VDAC1: variants seen among roughly 807,000 people sequenced by gnomAD.
VDAC1 encodes the protein non-selective voltage-gated ion channel VDAC1.
A neutral mutation model predicts 34.7 loss-of-function variants in VDAC1; 10 were observed. That is an observed-to-expected ratio of 0.29 (90% confidence interval 0.18 to 0.49). The LOEUF (loss-of-function observed/expected upper bound fraction) is 0.49, where lower values mean the gene tolerates loss of function less well. Among genes scored for constraint, VDAC1 ranks in the 20% least tolerant of loss-of-function variants. The pLI, the probability that VDAC1 is intolerant of heterozygous loss-of-function variation, is 0.99. For synonymous variants in VDAC1, 130 were observed against 136.0 expected (o/e 0.96, Z 0.30); for missense variants, 230 against 347.9 (o/e 0.66, Z 2.69).
chr5:134,019,038 G>C, the VDAC1 span, among the ~76,000 whole-genome samples: 1 of 152,018 alleles, frequency 6.6e-6, no homozygotes, highest in African/African-American at 2.4e-5. Context: ...GCATCTCCCC[G>C]CTTGGCTGAT....
At chr5:134,078,939 C>T in the VDAC1 span, among the ~76,000 whole-genome samples, 1 of 151,538 alleles carries the variant, frequency 6.6e-6, no homozygotes, top group Non-Finnish European at 1.5e-5. Context: ...GCGTGAGCCA[C>T]TGTGCCCGGT....
chr5:133,995,810 T>C (rs1753279811), intron 1 of VDAC1, among the ~76,000 whole-genome samples: 2 of 152,136 alleles, frequency 1.3e-5, no homozygotes, highest in South Asian at 4.1e-4. Flanking sequence ...GAAATAATAA[T>C]CTGCATTAAT....
chr5:133,981,591 G>A (rs573095717), intron 5 of VDAC1, among the ~76,000 whole-genome samples: 2 of 152,312 alleles, frequency 1.3e-5, no homozygotes, highest in Admixed American at 6.5e-5. Flanking sequence ...TAGCCAGACA[G>A]TATCCCAGGT....
the VDAC1 span, among the ~76,000 whole-genome samples, chr5:134,064,257 A>C: frequency 6.6e-6 from 1 of 152,114 alleles, no homozygotes; most frequent in African/African-American, 2.4e-5. Context: ...CTGAGATTAC[A>C]GGCGTGAGCC....
the VDAC1 span, among the ~76,000 whole-genome samples, chr5:134,042,224 G>A: frequency 3.3e-5 from 5 of 152,140 alleles, no homozygotes; most frequent in Admixed American, 1.3e-4. Flanking sequence ...TCATGGCCAC[G>A]CTCACTCATC....
chr5:134,013,364 G>C, the VDAC1 span, among the ~76,000 whole-genome samples: 1 of 152,290 alleles, frequency 6.6e-6, no homozygotes, highest in Admixed American at 6.5e-5. Context: ...GAGTCCAGGA[G>C]GTCGAGGCTG....
At chr5:134,009,957 A>T (rs1312317548), upstream of VDAC1, among the ~76,000 whole-genome samples, 1 of 152,254 alleles carries the variant, frequency 6.6e-6, no homozygotes, top group Non-Finnish European at 1.5e-5. Flanking sequence ...CTGGGATTAC[A>T]GGCATGAGCC....
At chr5:134,081,296 C>CA in the VDAC1 span, among the ~76,000 whole-genome samples, 1 of 152,162 alleles carries the variant, frequency 6.6e-6, no homozygotes, top group Non-Finnish European at 1.5e-5. Context: ...CTCGGCCTCC[C>CA]AAAGTGCTGG....
the VDAC1 span, among the ~76,000 whole-genome samples, chr5:134,081,641 T>C: frequency 6.6e-6 from 1 of 152,192 alleles, no homozygotes; most frequent in Non-Finnish European, 1.5e-5. Context: ...AGACTACTCA[T>C]TAAAGGTCAT....
At chr5:134,080,686 CTCATT>C in the VDAC1 span, among the ~76,000 whole-genome samples, 5 of 152,152 alleles carry the variant, frequency 3.3e-5, no homozygotes, top group Non-Finnish European at 7.3e-5. Flanking sequence ...AGTGCTGTAT[CTCATT>C]TAAGTCTCAC....
chr5:133,998,947 G>A (rs59226969), intron 1 of VDAC1, among the ~76,000 whole-genome samples: 1,627 of 152,262 alleles, frequency 0.011, 27 homozygotes, highest in African/African-American at 0.037. Flanking sequence ...GGCGGTTCCT[G>A]CACTAAGCAC....
chr5:134,028,993 G>A, the VDAC1 span, among the ~76,000 whole-genome samples: 1 of 152,194 alleles, frequency 6.6e-6, no homozygotes, highest in Non-Finnish European at 1.5e-5. Flanking sequence ...CCCTGGAAGA[G>A]GCCCATGTTG....
the VDAC1 span, among the ~76,000 whole-genome samples, chr5:134,054,813 C>T: frequency 6.6e-6 from 1 of 152,156 alleles, no homozygotes; most frequent in African/African-American, 2.4e-5. Context: ...TGGCCCTCCT[C>T]CTGATTAACC....
intron 7 of VDAC1, 86 bp from the exon 8 acceptor site, chr5:133,973,934 C>A: frequency 1.5e-6 from 2 of 1,297,542 alleles, no homozygotes; most frequent in Non-Finnish European, 2.2e-6. Flanking sequence ...TTTAGTCAAC[C>A]AACCTTGGAC....
At chr5:134,050,664 C>T in the VDAC1 span, among the ~76,000 whole-genome samples, 56 of 152,310 alleles carry the variant, frequency 3.7e-4, no homozygotes, top group African/African-American at 1.3e-3. Flanking sequence ...GAAGTTAAGG[C>T]AGAATTCTCC....
At chr5:134,079,721 C>G in the VDAC1 span, among the ~76,000 whole-genome samples, 1 of 152,150 alleles carries the variant, frequency 6.6e-6, no homozygotes. Context: ...AGCACAAAGC[C>G]CCAGGCCTTC....
chr5:134,005,865 G>T (rs1048684220), upstream of VDAC1, among the ~76,000 whole-genome samples: 3 of 152,206 alleles, frequency 2.0e-5, no homozygotes, highest in African/African-American at 7.2e-5. Flanking sequence ...GTCCTGGAAG[G>T]CTTGAGGCGT....
chr5:134,031,822 GT>G, the VDAC1 span, among the ~76,000 whole-genome samples: 2 of 151,752 alleles, frequency 1.3e-5, no homozygotes, highest in African/African-American at 4.8e-5. Flanking sequence ...ATGGTGGCAG[GT>G]GCCTGTAATC....
At chr5:133,993,202 G>A (rs980326560) in intron 1 of VDAC1, among the ~76,000 whole-genome samples, 184 bp from the exon 2 acceptor site, 2 of 152,212 alleles carry the variant, frequency 1.3e-5, no homozygotes, top group Admixed American at 6.5e-5. Flanking sequence ...TTTGTGGCCA[G>A]AGCTTGAGAC....
Sources: allele counts gnomAD v4.1 joint callset (sites outside exome capture counted in the v4.1 genomes callset), GRCh38; gene constraint gnomAD v4.1.1; transcripts MANE v1.5; gene names NCBI Gene and HGNC (gene_info 2026-07-23, HGNC 2026-07-21).